EVC: variants seen among roughly 807,000 people sequenced by gnomAD.
EVC encodes the protein evC complex member EVC.
Under a neutral mutation model 118.9 loss-of-function variants are expected in EVC, and 116 were observed. The observed-to-expected ratio is 0.98, with a 90% CI of 0.84 to 1.14. EVC has a LOEUF of 1.14. Ranked by LOEUF, EVC falls within the 50% of genes most tolerant of loss-of-function variation. EVC has a pLI of 0.00. For missense variants in EVC, 1,401 were observed against 1,246.4 expected (o/e 1.12, Z -1.87); for synonymous variants, 619 against 534.7 (o/e 1.16, Z -2.18).
intron 12 of EVC, 121 bp from the exon 13 acceptor site, chr4:5,793,487 G>T: frequency 1.2e-6 from 1 of 833,264 alleles, no homozygotes. Context: ...ATGAAATCGG[G>T]GCAGAAAGGG....
At chr4:5,777,261 T>C (rs905207802) in intron 11 of EVC, among the ~76,000 whole-genome samples, 1 of 152,182 alleles carries the variant, frequency 6.6e-6, no homozygotes, top group African/African-American at 2.4e-5. Flanking sequence ...TCCTGGGCAA[T>C]CTAAATAACT....
intron 11 of EVC, among the ~76,000 whole-genome samples, chr4:5,770,847 A>G (rs1733835767): frequency 6.6e-6 from 1 of 151,984 alleles, no homozygotes; most frequent in African/African-American, 2.4e-5. Flanking sequence ...CCCCATCTCT[A>G]CTAAAAATAA....
At chr4:5,816,884 G>A (rs139776436), downstream of EVC, among the ~76,000 whole-genome samples, 26 of 152,240 alleles carry the variant, frequency 1.7e-4, no homozygotes, top group East Asian at 1.7e-3. Flanking sequence ...GGCACTTGCC[G>A]TCTCAGGCTT....
At chr4:5,810,868 C>A in intron 20 of EVC, 85 bp from the exon 21 acceptor site, 1 of 1,296,790 alleles carries the variant, frequency 7.7e-7, no homozygotes, top group South Asian at 1.3e-5. Context: ...GCTGCATTTT[C>A]ATTTAATCCG....
At chr4:5,774,102 G>A (rs781528898) in intron 11 of EVC, among the ~76,000 whole-genome samples, 11 of 151,730 alleles carry the variant, frequency 7.2e-5, no homozygotes, top group Admixed American at 2.0e-4. Context: ...TGGGTCCTTC[G>A]TATGGTGTTG....
rs139309119 is a variant in EVC at position 5,780,778 on chromosome 4, A to T, written c.1564-2774A>T. Among the ~76,000 whole-genome samples the T allele has an allele frequency of 4.9e-3, 742 of 152,308 alleles. 7 individuals are homozygous for T. Among genetic ancestry groups the T allele is most frequent in the African/African-American group, 0.017 (710 of 41,566 alleles). On this transcript the variant is annotated intron_variant, in intron 11 of 20. Transcript: ENST00000264956. ...TGACCAGGTTCAGTGGTTCACTAAG[A>T]CAGCTCATGGACTCAGCCTATAGTT... is the stretch of plus-strand genomic sequence containing the variant.
At chr4:5,825,153 T>C in the EVC span, 55,080 of 975,292 alleles carry the variant, frequency 0.056, 1,584 homozygotes, top group African/African-American at 0.063. This position sits in a 1 kb window ranked among gnomAD's most constrained non-coding sequence, Gnocchi z 4.4. Flanking sequence ...CTCCCATCTC[T>C]TGTTCATCCC....
In EVC at chr4:5,746,935, A is replaced by G. The variant is rs1349463444; in HGVS notation, c.940-1213A>G. Among the ~76,000 whole-genome samples, 1 of 152,126 alleles carries G rather than the reference A, an allele frequency of 6.6e-6. No individual in the cohort carries two copies. The highest frequency in any genetic ancestry group is 1.5e-5 in the Non-Finnish European group (1 of 68,030). On this transcript the variant is annotated intron_variant, in intron 7 of 20. Coordinates refer to ENST00000264956, the MANE Select transcript of EVC (RefSeq NM_153717.3). This position sits in a 1 kb window ranked among gnomAD's most constrained non-coding sequence, Gnocchi z 5.8. ...ACGCCAAGAGAATCAGGAGTTTGTA[A>G]GCAGAGCGGGCTGTGTAGAGTTGGC... is the stretch of plus-strand genomic sequence containing the variant.
At chr4:5,784,711 G>A (rs1029246974) in intron 12 of EVC, among the ~76,000 whole-genome samples, 2 of 147,338 alleles carry the variant, frequency 1.4e-5, no homozygotes, top group Admixed American at 7.1e-5. Flanking sequence ...AGGTTCAAGC[G>A]ATTCTCCTGC....
chr4:5,812,056 A>G lies in EVC; in HGVS notation c.*1019A>G, dbSNP rs13147919. 1.8e-4 allele frequency: 10 copies of G among 57,006 alleles called. No individual in the cohort carries two copies. The highest frequency in any genetic ancestry group is 8.0e-4 in the African/African-American group (10 of 12,514). The allele number at this position is 57,006 out of a possible 1,614,324, so 3.5% of individuals were successfully genotyped here. ...CTCACCACAGCCAGGAGAGGCCTTT[A>G]CCACCTGGAGAGAAGCTTCCAGACC... On this transcript the variant is annotated 3_prime_UTR_variant, in exon 21 of 21. Coordinates refer to ENST00000264956, the MANE Select transcript of EVC (RefSeq NM_153717.3).
At chr4:5,766,309 C>G (rs4333129) in intron 11 of EVC, among the ~76,000 whole-genome samples, 1 of 149,972 alleles carries the variant, frequency 6.7e-6, no homozygotes, top group East Asian at 2.0e-4. Context: ...GTGGGTAACC[C>G]GACCTTTCTC....
At position 5,813,627 on chromosome 4, in the gene EVC, G is replaced by C. The variant is rs531931022; in HGVS notation, c.*2590G>C. 1 of 152,292 alleles carries C rather than the reference G, an allele frequency of 6.6e-6. No individual in the cohort carries two copies. Among genetic ancestry groups the C allele is most frequent in the East Asian group, 1.9e-4 (1 of 5,168 alleles). 9.4% of individuals were successfully genotyped at this position (152,292 alleles called of 1,614,324 possible). On this transcript the variant is annotated 3_prime_UTR_variant, in exon 21 of 21. Coordinates refer to ENST00000264956, the MANE Select transcript of EVC (RefSeq NM_153717.3). ...CAGGCCCTCTGGCAGCACCATAATT[G>C]GTCGGTTACCCTGAGCCCAGAGCTC...
Position 5,719,227 on chromosome 4 carries a change from C to T in EVC, c.175-21C>T, listed in dbSNP as rs760835604. On this transcript the variant is annotated intron_variant, in intron 1 of 20. Transcript: ENST00000264956. This position sits in a 1 kb window ranked among gnomAD's most constrained non-coding sequence, Gnocchi z 4.7. ...ATGTTGTGTTTCTATCCACCCCCAA[C>T]TCCTGACCTTCGGGTTTTAGAAAGA... 1.2e-6 allele frequency: 2 copies of T among 1,614,134 alleles called. No individual in the cohort carries two copies. Among genetic ancestry groups the T allele is most frequent in the Non-Finnish European group, 8.5e-7 (1 of 1,179,986 alleles).
At chr4:5,824,483 CCTCTCTCT>C in the EVC span, 1 of 941,396 alleles carries the variant, frequency 1.1e-6, no homozygotes, top group Non-Finnish European at 1.3e-6. Context: ...CACACGTCAT[CCTCTCTCT>C]CTCTCTCTCT....
Position 5,742,055 on chromosome 4 carries a change from G to A in EVC, c.801+241G>A, listed in dbSNP as rs115088516. Among the ~76,000 whole-genome samples the A allele has an allele frequency of 1.0e-3, 154 of 152,100 alleles. No homozygotes were observed. Among genetic ancestry groups the A allele is most frequent in the Non-Finnish European group, 1.8e-3 (123 of 67,996 alleles). On this transcript the variant is annotated intron_variant, in intron 6 of 20. Coordinates refer to ENST00000264956, the MANE Select transcript of EVC (RefSeq NM_153717.3). This position sits in a 1 kb window ranked among gnomAD's most constrained non-coding sequence, Gnocchi z 5.2. ...TTGGTCATATCTACTACTCAAAGAC[G>A]GTCACTGTTAATGTTTTTTTCTGCA... is the stretch of plus-strand genomic sequence containing the variant.
chr4:5,766,646 C>T (rs1732908843), intron 11 of EVC, among the ~76,000 whole-genome samples: 1 of 141,188 alleles, frequency 7.1e-6, no homozygotes, highest in South Asian at 2.5e-4. Context: ...CGCTTCATTT[C>T]ATTCACTTCA....
At chr4:5,790,242 A>C (rs1360338016) in intron 12 of EVC, among the ~76,000 whole-genome samples, 1 of 151,314 alleles carries the variant, frequency 6.6e-6, no homozygotes, top group Admixed American at 6.6e-5. Flanking sequence ...TGGTTTCCCT[A>C]GCACTCCAAT....
At chr4:5,825,892 C>T in the EVC span, 3 of 511,000 alleles carry the variant, frequency 5.9e-6, no homozygotes, top group Admixed American at 8.0e-5. The surrounding 1 kb of genome is among the most constrained non-coding windows in gnomAD (Gnocchi z 4.4). Flanking sequence ...CACATGCATA[C>T]ACATACAGAC....
intron 11 of EVC, among the ~76,000 whole-genome samples, chr4:5,774,568 C>T (rs1174270620): frequency 1.3e-5 from 2 of 152,036 alleles, no homozygotes; most frequent in African/African-American, 2.4e-5. Flanking sequence ...GGGTATCTTC[C>T]TTGCCCCAAG....
Sources: allele counts gnomAD v4.1 joint callset (sites outside exome capture counted in the v4.1 genomes callset), GRCh38; gene constraint gnomAD v4.1.1; non-coding constraint Gnocchi (gnomAD v3.1); transcripts MANE v1.5; gene names NCBI Gene and HGNC (gene_info 2026-07-23, HGNC 2026-07-21).